The following IL1RAPL1 variants were observed in gnomAD, a reference collection of about 807,000 sequenced individuals.
IL1RAPL1 encodes interleukin 1 receptor accessory protein like 1, also known as interleukin-1 receptor accessory protein-like 1.
IL1RAPL1 carries 3 observed loss-of-function variants against 48.4 expected under a neutral mutation model. The ratio of observed to expected loss-of-function variants is 0.06; its 90% CI spans 0.03 to 0.16. The LOEUF (loss-of-function observed/expected upper bound fraction) is 0.16. IL1RAPL1 is among the 10% of genes least tolerant of loss of function. IL1RAPL1 has a pLI of 1.00. For missense variants in IL1RAPL1, 349 were observed against 530.6 expected (o/e 0.66, Z 3.36); for synonymous variants, 185 against 187.7 (o/e 0.99, Z 0.12).
chrX:29,152,629 C>T (rs1347902564), intron 2 of IL1RAPL1, among the ~76,000 whole-genome samples: 5 of 112,093 alleles, frequency 4.5e-5, no homozygotes, highest in Non-Finnish European at 7.5e-5. Context: ...AACATAACAA[C>T]TTGTGATTGT....
intron 5 of IL1RAPL1, among the ~76,000 whole-genome samples, chrX:29,452,580 G>T (rs1682468983): frequency 1.8e-5 from 2 of 111,448 alleles, no homozygotes; most frequent in African/African-American, 6.5e-5. Flanking sequence ...GTTAATTTTT[G>T]ATTTTGAGAT....
intron 1 of IL1RAPL1, among the ~76,000 whole-genome samples, chrX:28,654,138 C>T (rs1271266192): frequency 2.3e-5 from 2 of 88,753 alleles, no homozygotes; most frequent in African/African-American, 4.1e-5. Flanking sequence ...CCCCCGACCC[C>T]GTTTGTGCTC....
At position 29,955,776 on chromosome X, in the gene IL1RAPL1, C is replaced by A; in HGVS notation, c.2047C>A (p.Pro683Thr). Residue 683 changes from proline to threonine, a missense_variant, in exon 11 of 11, where the codon CCG (proline) becomes ACG (threonine). Pro to Thr is a conservative substitution (Grantham distance 38). This residue lies in a region of IL1RAPL1 where 65 missense variants were observed against 79.6 expected (regional missense o/e 0.82). Coordinates refer to ENST00000378993, the MANE Select transcript of IL1RAPL1 (RefSeq NM_014271.4). Reference protein sequence around the residue: ...DEAHTNSAILPLLPRETSISS... With the variant: ...DEAHTNSAILTLLPRETSISS... ...GGCCCACACAAACAGTGCCATCCTG[C>A]CGCTGTTGCCAAGGGAGACCAGTAT... 8.3e-7 allele frequency: 1 copy of A among 1,210,618 alleles called. No homozygotes were observed. The highest frequency in any genetic ancestry group is 3.0e-5 in the East Asian group (1 of 33,786).
chrX:29,240,379 C>T (rs769846253), intron 2 of IL1RAPL1, among the ~76,000 whole-genome samples: 6 of 104,863 alleles, frequency 5.7e-5, no homozygotes, highest in East Asian at 3.0e-4. Flanking sequence ...GGATTATAGG[C>T]GCACGCCACC....
intron 5 of IL1RAPL1, among the ~76,000 whole-genome samples, chrX:29,573,930 G>A (rs953594180): frequency 9.0e-6 from 1 of 111,519 alleles, no homozygotes; most frequent in African/African-American, 3.3e-5. Flanking sequence ...TCACAGCTTT[G>A]GGTGTTCCTA....
intron 3 of IL1RAPL1, among the ~76,000 whole-genome samples, chrX:29,331,383 G>T (rs1239571123): frequency 9.1e-6 from 1 of 110,344 alleles, no homozygotes; most frequent in East Asian, 2.9e-4. Flanking sequence ...CAACTGCAAA[G>T]AACACATTCA....
At chrX:29,898,033 T>TA in intron 6 of IL1RAPL1, among the ~76,000 whole-genome samples, 1 of 111,981 alleles carries the variant, frequency 8.9e-6, no homozygotes, top group Admixed American at 9.5e-5. Context: ...AAGACTCATA[T>TA]AAAAAAGATA....
intron 2 of IL1RAPL1, among the ~76,000 whole-genome samples, chrX:29,145,499 A>G (rs993824110): frequency 8.9e-6 from 1 of 112,399 alleles, no homozygotes; most frequent in African/African-American, 3.2e-5. Flanking sequence ...GAGTCAGAAG[A>G]AAGAACTCTT....
At chrX:29,821,367 G>A (rs755888234) in intron 6 of IL1RAPL1, among the ~76,000 whole-genome samples, 9 of 110,459 alleles carry the variant, frequency 8.1e-5, no homozygotes, top group African/African-American at 1.3e-4. Flanking sequence ...GGAGAATGGC[G>A]TGACCCCAGG....
chrX:29,228,332 A>AGTGTGTGTGTGTGTGT (rs1555978439), intron 2 of IL1RAPL1, among the ~76,000 whole-genome samples: 103 of 79,550 alleles, frequency 1.3e-3, no homozygotes, highest in African/African-American at 4.4e-3. Flanking sequence ...AGTTTTGCCT[A>AGTGTGTGTGTGTGTGT]GTGTGTGTGT....
intron 2 of IL1RAPL1, among the ~76,000 whole-genome samples, chrX:29,279,857 C>T (rs982370590): frequency 8.9e-6 from 1 of 112,115 alleles, no homozygotes; most frequent in African/African-American, 3.2e-5. Flanking sequence ...TCTCTCTATT[C>T]TCTTGATCTA....
intron 2 of IL1RAPL1, among the ~76,000 whole-genome samples, chrX:28,873,533 T>TTG (rs1922270558): frequency 1.2e-5 from 1 of 81,185 alleles, no homozygotes; most frequent in South Asian, 6.9e-4. Context: ...CTTTTTTTTT[T>TTG]TTTTTTTTTT....
chrX:29,885,608 C>G (rs934424308), intron 6 of IL1RAPL1, among the ~76,000 whole-genome samples: 1 of 111,375 alleles, frequency 9.0e-6, no homozygotes, highest in Non-Finnish European at 1.9e-5. Flanking sequence ...GCCAGGACTT[C>G]AAGACCAGCA....
At chrX:29,866,314 TGCTCTCATGGA>T (rs113660136) in intron 6 of IL1RAPL1, among the ~76,000 whole-genome samples, 139 of 111,586 alleles carry the variant, frequency 1.2e-3, no homozygotes, top group African/African-American at 4.4e-3. Flanking sequence ...ATGCATTAGC[TGCTCTCATGGA>T]GCCCACATCT....
intron 6 of IL1RAPL1, among the ~76,000 whole-genome samples, chrX:29,784,816 T>C (rs984055683): frequency 2.7e-5 from 3 of 111,767 alleles, no homozygotes; most frequent in African/African-American, 9.7e-5. Flanking sequence ...GAACCATCTC[T>C]ATCTCCTCTT....
intron 6 of IL1RAPL1, among the ~76,000 whole-genome samples, chrX:29,806,406 A>C (rs934809521): frequency 8.9e-6 from 1 of 112,154 alleles, no homozygotes; most frequent in Non-Finnish European, 1.9e-5. Flanking sequence ...TATCTAAAAA[A>C]TTTTAACCTT....
At chrX:29,773,732 C>T (rs181129384) in intron 6 of IL1RAPL1, among the ~76,000 whole-genome samples, 261 of 111,510 alleles carry the variant, frequency 2.3e-3, no homozygotes, top group Non-Finnish European at 3.7e-3. Context: ...TACAGTTTGT[C>T]TGTAAATGTG....
intron 5 of IL1RAPL1, among the ~76,000 whole-genome samples, chrX:29,420,207 CA>C (rs891251813): frequency 8.9e-6 from 1 of 112,068 alleles, no homozygotes; most frequent in Non-Finnish European, 1.9e-5. Context: ...TAAATTAAAT[CA>C]CTGAAATGGT....
intron 6 of IL1RAPL1, among the ~76,000 whole-genome samples, chrX:29,878,681 C>T (rs1251551715): frequency 9.0e-6 from 1 of 111,710 alleles, no homozygotes; most frequent in East Asian, 2.8e-4. Context: ...ATATTTTTCT[C>T]TTGTTCTCTC....
Sources: allele counts gnomAD v4.1 joint callset (sites outside exome capture counted in the v4.1 genomes callset), GRCh38; gene constraint gnomAD v4.1.1; regional missense constraint gnomAD v4.1.1; transcripts MANE v1.5; gene names NCBI Gene and HGNC (gene_info 2026-07-23, HGNC 2026-07-21).